The following HCN1 variants were observed in gnomAD, a reference collection of about 807,000 sequenced individuals.
HCN1 encodes the protein potassium/sodium hyperpolarization-activated cyclic nucleotide-gated channel 1.
Under a neutral mutation model 78.9 loss-of-function variants are expected in HCN1, and 13 were observed. That is an observed-to-expected ratio of 0.16 (90% confidence interval 0.11 to 0.26). HCN1 has a LOEUF of 0.26. Among genes scored for constraint, HCN1 ranks in the 10% least tolerant of loss-of-function variants. The pLI, the probability that HCN1 is intolerant of heterozygous loss-of-function variation, is 1.00. For missense variants in HCN1, 810 were observed against 1,154.3 expected (o/e 0.70, Z 4.32); for synonymous variants, 552 against 455.5 (o/e 1.21, Z -2.70).
intron 1 of HCN1, among the ~76,000 whole-genome samples, chr5:45,674,136 T>C (rs1451473487): frequency 6.6e-6 from 1 of 151,226 alleles, no homozygotes; most frequent in Non-Finnish European, 1.5e-5. Context: ...TTAGTTGATA[T>C]ATATGTATAT....
chr5:45,382,532 T>C (rs2096814329), intron 4 of HCN1, among the ~76,000 whole-genome samples: 2 of 152,186 alleles, frequency 1.3e-5, no homozygotes, highest in African/African-American at 2.4e-5. Context: ...TACCTGCTTA[T>C]TTGCTTCTTT....
At chr5:45,409,612 A>T (rs1057099906) in intron 3 of HCN1, among the ~76,000 whole-genome samples, 10 of 152,042 alleles carry the variant, frequency 6.6e-5, no homozygotes, top group Admixed American at 2.6e-4. Flanking sequence ...AACATCTCTG[A>T]TTTTTTTCTT....
Position 45,262,347 on chromosome 5 carries a change from C to T in HCN1, c.2247G>A (p.Gln749=), listed in dbSNP as rs1744762588. 1 of 1,613,092 alleles carries T rather than the reference C, an allele frequency of 6.2e-7. No homozygotes were observed. Among genetic ancestry groups the T allele is most frequent in the African/African-American group, 1.3e-5 (1 of 74,928 alleles). The change falls in exon 8 of 8, where the codon CAG becomes CAA. Residue 749 remains glutamine (Q), a synonymous_variant. Coordinates refer to ENST00000303230, the MANE Select transcript of HCN1 (RefSeq NM_021072.4). Reference sequence around the variant, plus strand: ...GTGTCTGTGGCTGCGGGGACGGCTGCTGTGGCTGAGTCTGCGGCGGCTGGG... The same window carrying T: ...GTGTCTGTGGCTGCGGGGACGGCTGTTGTGGCTGAGTCTGCGGCGGCTGGG... ...QQSQPPQTQP[Q]QPSPQPQTPG... is the part of the protein sequence containing the mutation.
intron 5 of HCN1, among the ~76,000 whole-genome samples, chr5:45,335,045 G>A (rs1404033378): frequency 6.6e-6 from 1 of 151,956 alleles, no homozygotes; most frequent in African/African-American, 2.4e-5. Flanking sequence ...CCTAATTCAT[G>A]CTCTGTGAAA....
At chr5:45,381,320 A>G (rs913072069) in intron 4 of HCN1, among the ~76,000 whole-genome samples, 1 of 152,120 alleles carries the variant, frequency 6.6e-6, no homozygotes, top group Non-Finnish European at 1.5e-5. Context: ...CAAAACGTAG[A>G]TTCTAGGGTC....
intron 4 of HCN1, among the ~76,000 whole-genome samples, chr5:45,356,435 T>C (rs565923581): frequency 6.6e-6 from 1 of 152,084 alleles, no homozygotes; most frequent in African/African-American, 2.4e-5. Flanking sequence ...AACAAGAGTG[T>C]TTATAAAACA....
intron 2 of HCN1, among the ~76,000 whole-genome samples, chr5:45,466,979 A>G (rs184386056): frequency 1.2e-4 from 18 of 152,108 alleles, no homozygotes; most frequent in East Asian, 5.8e-4. Context: ...CAAAACTATC[A>G]TCTTCTGTCC....
In HCN1 at chr5:45,374,324, C is replaced by T. The variant is rs1261234698; in HGVS notation, c.1231-21078G>A. Among the ~76,000 whole-genome samples, 67 of 129,756 alleles carry T rather than the reference C, an allele frequency of 5.2e-4. No homozygotes were observed. The East Asian group carries it at 8.5e-3, about 16-fold the overall frequency. 85.1% of individuals were successfully genotyped at this position (129,756 alleles called of 152,430 possible). ...TTGTATACATTATATACATTATATA[C>T]ATTATATACATTATATATATATAAT... On this transcript the variant is annotated intron_variant, in intron 4 of 7. Transcript: ENST00000303230.
chr5:45,426,532 C>A (rs1740350978), intron 3 of HCN1, among the ~76,000 whole-genome samples: 1 of 152,170 alleles, frequency 6.6e-6, no homozygotes, highest in Admixed American at 6.5e-5. Flanking sequence ...AGGGGAGTTT[C>A]CCTGCACATA....
At chr5:45,625,203 T>G (rs1358766832) in intron 2 of HCN1, among the ~76,000 whole-genome samples, 1 of 152,058 alleles carries the variant, frequency 6.6e-6, no homozygotes, top group Non-Finnish European at 1.5e-5. Context: ...CTTGGGAGAC[T>G]GAGGTGGGAT....
chr5:45,323,650 G>A (rs1470198204), intron 5 of HCN1, among the ~76,000 whole-genome samples: 1 of 151,666 alleles, frequency 6.6e-6, no homozygotes, highest in East Asian at 1.9e-4. Flanking sequence ...GTGCCATGTT[G>A]CTGTGCTGCA....
At chr5:45,280,220 T>G (rs1245233964) in intron 6 of HCN1, among the ~76,000 whole-genome samples, 2 of 152,164 alleles carry the variant, frequency 1.3e-5, no homozygotes, top group Non-Finnish European at 2.9e-5. Flanking sequence ...TACTTACTAT[T>G]TTGCATCATC....
intron 3 of HCN1, among the ~76,000 whole-genome samples, chr5:45,413,494 A>G (rs1740062972): frequency 6.6e-6 from 1 of 152,052 alleles, no homozygotes. Context: ...TTCCAATTAT[A>G]CATGCCAATT....
intron 5 of HCN1, among the ~76,000 whole-genome samples, chr5:45,308,710 G>A (rs1745787288): frequency 6.6e-6 from 1 of 151,970 alleles, no homozygotes. Context: ...TCTGTATTCT[G>A]TTCCATTGTT....
chr5:45,456,931 T>C (rs898505692), intron 3 of HCN1, among the ~76,000 whole-genome samples: 4 of 152,058 alleles, frequency 2.6e-5, no homozygotes, highest in Non-Finnish European at 5.9e-5. Context: ...AATTATTTGA[T>C]GTAACTCCTC....
chr5:45,630,870 T>C (rs916813292), intron 2 of HCN1, among the ~76,000 whole-genome samples: 5 of 152,164 alleles, frequency 3.3e-5, no homozygotes, highest in Admixed American at 6.6e-5. Context: ...CTTTAGGCTA[T>C]TTAAGAAATT....
At chr5:45,685,286 C>T (rs1739781611) in intron 1 of HCN1, among the ~76,000 whole-genome samples, 1 of 152,108 alleles carries the variant, frequency 6.6e-6, no homozygotes, top group African/African-American at 2.4e-5. Flanking sequence ...GAAAGATGAA[C>T]AGAAAGTAGC....
intron 2 of HCN1, among the ~76,000 whole-genome samples, chr5:45,581,070 G>A (rs746216198): frequency 4.1e-4 from 62 of 152,186 alleles, no homozygotes; most frequent in Non-Finnish European, 7.1e-4. Flanking sequence ...GGATGGCTGG[G>A]TCAAATGGTA....
intron 4 of HCN1, among the ~76,000 whole-genome samples, chr5:45,384,670 G>A (rs138637195): frequency 6.6e-6 from 1 of 152,250 alleles, no homozygotes; most frequent in Non-Finnish European, 1.5e-5. Flanking sequence ...CTAGCTCTCA[G>A]TGAGGTCTTC....
Sources: allele counts gnomAD v4.1 joint callset (sites outside exome capture counted in the v4.1 genomes callset), GRCh38; gene constraint gnomAD v4.1.1; transcripts MANE v1.5; gene names NCBI Gene and HGNC (gene_info 2026-07-23, HGNC 2026-07-21).